DMD: variants seen among roughly 807,000 people sequenced by gnomAD.
The protein encoded by DMD is dystrophin.
DMD carries 63 observed loss-of-function variants against 330.1 expected under a neutral mutation model. The ratio of observed to expected loss-of-function variants is 0.19; its 90% CI spans 0.16 to 0.24. The LOEUF is 0.24. Ranked by LOEUF, DMD falls within the 10% of genes least tolerant of loss-of-function variation. The pLI, the probability that DMD is intolerant of heterozygous loss-of-function variation, is 1.00. For synonymous variants in DMD, 1,223 were observed against 959.8 expected (o/e 1.27, Z -5.07); for missense variants, 3,344 against 2,684.1 (o/e 1.25, Z -5.43).
intron 43 of DMD, among the ~76,000 whole-genome samples, chrX:32,248,204 T>C (rs1281122847): frequency 9.0e-6 from 1 of 111,669 alleles, no homozygotes; most frequent in Non-Finnish European, 1.9e-5. Context: ...TCACTGTAAA[T>C]GCTCAGGTAC....
intron 51 of DMD, among the ~76,000 whole-genome samples, chrX:31,756,664 G>C (rs182044376): frequency 8.9e-6 from 1 of 112,531 alleles, no homozygotes; most frequent in East Asian, 2.8e-4. Context: ...TATTGAATAT[G>C]ATATGCATAG....
intron 1 of DMD, among the ~76,000 whole-genome samples, chrX:33,306,607 C>T (rs1014173506): frequency 9.0e-6 from 1 of 110,633 alleles, no homozygotes; most frequent in East Asian, 2.9e-4. Flanking sequence ...AGGCAAATGG[C>T]ACAGAGGCTT....
In DMD at chrX:32,657,932, T is replaced by A. The variant is rs190212956; in HGVS notation, c.961-12780A>T. Among the ~76,000 whole-genome samples, 361 of 111,646 alleles carry A rather than the reference T, an allele frequency of 3.2e-3. 1 individual carries two copies. The highest frequency in any genetic ancestry group is 5.2e-3 in the Non-Finnish European group (277 of 53,027). On this transcript the variant is annotated intron_variant, in intron 9 of 78. Transcript: ENST00000357033. Reference sequence around the variant, plus strand: ...TGGATACTTTTAAAATGCAAAATAATTCAGAAGTAAACTGCTTTAGACAAG... The same window carrying A: ...TGGATACTTTTAAAATGCAAAATAAATCAGAAGTAAACTGCTTTAGACAAG...
chrX:32,287,134 ATTT>A (rs931300271), intron 43 of DMD, among the ~76,000 whole-genome samples: 2 of 111,643 alleles, frequency 1.8e-5, no homozygotes, highest in Admixed American at 1.9e-4. Flanking sequence ...ATGAAAATCA[ATTT>A]TTTTATTGAT....
At chrX:31,517,975 A>G (rs1326399200) in intron 55 of DMD, among the ~76,000 whole-genome samples, 1 of 107,992 alleles carries the variant, frequency 9.3e-6, no homozygotes, top group Non-Finnish European at 1.9e-5. Flanking sequence ...CTTGGGGCCA[A>G]ATAAATTAGA....
intron 13 of DMD, among the ~76,000 whole-genome samples, chrX:32,595,175 A>C (rs146855778): frequency 4.7e-4 from 53 of 111,678 alleles, no homozygotes; most frequent in African/African-American, 1.7e-3. Context: ...TAATCAGTAC[A>C]TTTACCGATA....
At chrX:32,849,958 GA>G in intron 2 of DMD, 138 bp from the exon 3 acceptor site, 1 of 514,890 alleles carries the variant, frequency 1.9e-6, no homozygotes, top group South Asian at 3.3e-5. Context: ...GATGACGGAT[GA>G]AAAAAGGAAA....
At chrX:32,311,281 C>T (rs1168066549) in intron 41 of DMD, among the ~76,000 whole-genome samples, 1 of 110,954 alleles carries the variant, frequency 9.0e-6, no homozygotes, top group African/African-American at 3.3e-5. Flanking sequence ...GATAAGCATG[C>T]TAACGTAGCC....
chrX:31,391,349 C>A (rs1482150113), intron 60 of DMD, among the ~76,000 whole-genome samples: 1 of 109,608 alleles, frequency 9.1e-6, no homozygotes, highest in East Asian at 2.9e-4. Context: ...TCAAGTGATC[C>A]GCCCGCCTCG....
intron 19 of DMD, among the ~76,000 whole-genome samples, chrX:32,501,252 C>T (rs894034417): frequency 4.5e-5 from 5 of 111,417 alleles, no homozygotes; most frequent in East Asian, 5.6e-4. Context: ...AAGGTTATCC[C>T]GAAGAGACTT....
At chrX:32,339,558 C>T (rs1377549728) in intron 41 of DMD, among the ~76,000 whole-genome samples, 4 of 111,407 alleles carry the variant, frequency 3.6e-5, no homozygotes, top group African/African-American at 1.3e-4. Context: ...TGGGCGCTGC[C>T]TCATGATTGT....
intron 44 of DMD, among the ~76,000 whole-genome samples, chrX:31,970,729 C>T (rs920310934): frequency 1.7e-4 from 19 of 110,500 alleles, no homozygotes; most frequent in African/African-American, 5.3e-4. Flanking sequence ...GTACAGCCCT[C>T]GGTGTATATT....
intron 4 of DMD, among the ~76,000 whole-genome samples, chrX:32,840,512 G>A (rs1371235570): frequency 1.8e-5 from 2 of 111,167 alleles, no homozygotes; most frequent in Non-Finnish European, 3.8e-5. Flanking sequence ...TTTTCTTACA[G>A]TAAATACACA....
At chrX:32,959,542 G>A (rs1201482547) in intron 2 of DMD, among the ~76,000 whole-genome samples, 1 of 110,938 alleles carries the variant, frequency 9.0e-6, no homozygotes, top group African/African-American at 3.3e-5. Context: ...TCAATATCGG[G>A]CTACATCTCT....
chrX:32,364,459 A>T, intron 36 of DMD, 123 bp downstream of exon 36: 1 of 835,163 alleles, frequency 1.2e-6, no homozygotes. Flanking sequence ...AAAGGGAAAG[A>T]TAAAGGAAGG....
intron 21 of DMD, among the ~76,000 whole-genome samples, chrX:32,477,941 C>T (rs1484989663): frequency 9.0e-6 from 1 of 111,582 alleles, no homozygotes; most frequent in Non-Finnish European, 1.9e-5. Context: ...ACAGTTCATA[C>T]AAAAAGAATG....
chrX:32,188,348 C>A (rs769236206), intron 44 of DMD, among the ~76,000 whole-genome samples: 1 of 107,123 alleles, frequency 9.3e-6, no homozygotes, highest in Non-Finnish European at 1.9e-5. Context: ...GTCTTCCAGG[C>A]TTCCTGACTT....
chrX:31,748,646 G>C (rs997063953), intron 51 of DMD, among the ~76,000 whole-genome samples: 5 of 111,850 alleles, frequency 4.5e-5, no homozygotes, highest in African/African-American at 1.6e-4. Context: ...CTATGTGCTA[G>C]ATATTGCACA....
At chrX:32,038,762 G>A (rs1017068802) in intron 44 of DMD, among the ~76,000 whole-genome samples, 22 of 110,794 alleles carry the variant, frequency 2.0e-4, no homozygotes, top group African/African-American at 7.2e-4. Flanking sequence ...CTTAGTCTAG[G>A]ATTTGGAATA....
Sources: gnomAD v4.1 joint callset for allele counts (sites outside exome capture counted in the v4.1 genomes callset) on GRCh38, gnomAD v4.1.1 for gene constraint, MANE v1.5 for transcripts, NCBI Gene and HGNC (gene_info 2026-07-23, HGNC 2026-07-21) for gene names.